The following RBMS3 variants were observed in gnomAD, a reference collection of about 807,000 sequenced individuals.
RBMS3 encodes RNA binding motif single stranded interacting protein 3, also known as RNA-binding motif, single-stranded-interacting protein 3.
A neutral mutation model predicts 66.8 loss-of-function variants in RBMS3; 27 were observed. The ratio of observed to expected loss-of-function variants is 0.40; its 90% CI spans 0.30 to 0.56. The LOEUF is 0.56. RBMS3 is among the 20% of genes least tolerant of loss of function. RBMS3 has a pLI of 0.40. For synonymous variants in RBMS3, 188 were observed against 183.0 expected, an observed-to-expected ratio of 1.03 and a Z score of -0.22; for missense variants, 513 against 549.5, an observed-to-expected ratio of 0.93 and a Z score of 0.66.
chr3:29,890,591 C>T (rs1173625905), intron 8 of RBMS3, among the ~76,000 whole-genome samples: 1 of 151,280 alleles, frequency 6.6e-6, no homozygotes, highest in Non-Finnish European at 1.5e-5. Flanking sequence ...TTTCAACTTT[C>T]TATCTATAGT....
At chr3:29,925,739 C>A (rs185856416) in intron 10 of RBMS3, among the ~76,000 whole-genome samples, 140 of 152,234 alleles carry the variant, frequency 9.2e-4, no homozygotes, top group African/African-American at 3.2e-3. Context: ...CTGGGGCAGG[C>A]TCTAATTTAG....
intron 1 of RBMS3, among the ~76,000 whole-genome samples, chr3:29,292,202 A>G (rs913150732): frequency 5.9e-4 from 90 of 151,762 alleles, no homozygotes; most frequent in African/African-American, 2.1e-3. Flanking sequence ...TCTTACACAT[A>G]AAACAACAAC....
intron 4 of RBMS3, among the ~76,000 whole-genome samples, chr3:29,701,257 A>G (rs1043756425): frequency 6.6e-6 from 1 of 152,092 alleles, no homozygotes; most frequent in Non-Finnish European, 1.5e-5. Flanking sequence ...AGCCTGGGCA[A>G]TAAGAGCGAG....
chr3:29,669,335 T>C (rs564973008), intron 4 of RBMS3, among the ~76,000 whole-genome samples: 139 of 152,324 alleles, frequency 9.1e-4, no homozygotes, highest in African/African-American at 3.1e-3. Flanking sequence ...CAACCTAAGA[T>C]GGTATCCATA....
At chr3:29,717,053 G>C (rs993004499) in intron 4 of RBMS3, among the ~76,000 whole-genome samples, 61 of 152,024 alleles carry the variant, frequency 4.0e-4, no homozygotes, top group African/African-American at 1.4e-3. Context: ...TTAGGAGTTT[G>C]CATTCTAGAG....
intron 1 of RBMS3, among the ~76,000 whole-genome samples, chr3:29,330,660 T>C (rs1265518235): frequency 6.6e-6 from 1 of 152,134 alleles, no homozygotes; most frequent in East Asian, 1.9e-4. Context: ...AATAATACCT[T>C]ATGTTCTCTA....
At chr3:29,983,026 T>C (rs1698100299) in intron 12 of RBMS3, among the ~76,000 whole-genome samples, 1 of 152,146 alleles carries the variant, frequency 6.6e-6, no homozygotes, top group Non-Finnish European at 1.5e-5. Flanking sequence ...GTCCCGCTAT[T>C]ATGGTGTGGG....
intron 4 of RBMS3, among the ~76,000 whole-genome samples, chr3:29,694,710 T>C (rs2052184071): frequency 1.3e-5 from 2 of 152,168 alleles, no homozygotes; most frequent in Admixed American, 6.5e-5. Context: ...TTAAACACAT[T>C]ATCTGTGCAA....
chr3:29,730,905 A>T, intron 4 of RBMS3: 2 of 985,350 alleles, frequency 2.0e-6, no homozygotes, highest in Non-Finnish European at 2.4e-6. Flanking sequence ...CCATCACATC[A>T]GGGCTGATAA....
intron 3 of RBMS3, among the ~76,000 whole-genome samples, chr3:29,567,332 A>C (rs2046779604): frequency 1.3e-5 from 2 of 152,188 alleles, no homozygotes; most frequent in Admixed American, 6.6e-5. Flanking sequence ...TGTTCTTGGC[A>C]CTGGAGCCCA....
intron 1 of RBMS3, among the ~76,000 whole-genome samples, chr3:29,329,872 C>T (rs926270971): frequency 2.7e-5 from 4 of 147,096 alleles, no homozygotes; most frequent in Non-Finnish European, 6.0e-5. Flanking sequence ...CTATATAATA[C>T]ATATTAATAT....
intron 4 of RBMS3, among the ~76,000 whole-genome samples, chr3:29,636,386 G>C (rs914612428): frequency 2.0e-5 from 3 of 151,854 alleles, no homozygotes; most frequent in African/African-American, 7.2e-5. Flanking sequence ...TAGTTGTAAA[G>C]TGCAAATAAA....
chr3:29,589,138 A>G (rs865850106), intron 4 of RBMS3, among the ~76,000 whole-genome samples: 2 of 152,232 alleles, frequency 1.3e-5, no homozygotes, highest in Middle Eastern at 3.4e-3. Flanking sequence ...CACTGATTTT[A>G]TAACTACTGG....
chr3:29,982,699 C>G (rs1473063392), intron 12 of RBMS3, among the ~76,000 whole-genome samples: 1 of 152,168 alleles, frequency 6.6e-6, no homozygotes, highest in Non-Finnish European at 1.5e-5. Context: ...GAAGGTTGTT[C>G]ATTTTCCACG....
At chr3:29,511,102 A>G (rs2044386248) in intron 3 of RBMS3, among the ~76,000 whole-genome samples, 1 of 152,084 alleles carries the variant, frequency 6.6e-6, no homozygotes, top group South Asian at 2.1e-4. Flanking sequence ...ATCAAGACCT[A>G]TTGGCTAACA....
chr3:29,983,362 T>C (rs910590391), intron 12 of RBMS3, among the ~76,000 whole-genome samples: 4 of 152,162 alleles, frequency 2.6e-5, no homozygotes, highest in Admixed American at 2.6e-4. Context: ...GTCTTACTCT[T>C]TATCCAATTT....
intron 1 of RBMS3, among the ~76,000 whole-genome samples, chr3:29,410,131 T>C (rs1340474264): frequency 6.6e-6 from 1 of 152,188 alleles, no homozygotes; most frequent in Non-Finnish European, 1.5e-5. Context: ...AAATACTATT[T>C]TGGATATGTT....
At chr3:29,754,189 G>T (rs1319290159) in intron 5 of RBMS3, among the ~76,000 whole-genome samples, 1 of 152,130 alleles carries the variant, frequency 6.6e-6, no homozygotes, top group African/African-American at 2.4e-5. Flanking sequence ...CTGACCTCAA[G>T]TGATCCTCTT....
At chr3:29,720,405 G>C (rs1412514164) in intron 4 of RBMS3, among the ~76,000 whole-genome samples, 1 of 152,050 alleles carries the variant, frequency 6.6e-6, no homozygotes, top group African/African-American at 2.4e-5. Flanking sequence ...CATTTACAAA[G>C]TGTCCATTAA....
Sources: allele counts gnomAD v4.1 joint callset (sites outside exome capture counted in the v4.1 genomes callset), GRCh38; gene constraint gnomAD v4.1.1; transcripts MANE v1.5; gene names NCBI Gene and HGNC (gene_info 2026-07-23, HGNC 2026-07-21).